VDR: variants seen among roughly 807,000 people sequenced by gnomAD.
VDR encodes vitamin D receptor, also known as vitamin D3 receptor.
In VDR, 19 loss-of-function variants were observed where a neutral mutation model predicts 39.7. That is an observed-to-expected ratio of 0.48 (90% CI 0.33 to 0.70). The LOEUF is 0.70. Ranked by LOEUF, VDR falls within the 30% of genes least tolerant of loss-of-function variation. VDR has a pLI of 0.02. For missense variants in VDR, 442 were observed against 570.5 expected, an observed-to-expected ratio of 0.77 and a Z score of 2.29; for synonymous variants, 242 against 215.8, an observed-to-expected ratio of 1.12 and a Z score of -1.07.
chr12:47,890,493 G>A (rs954162365), intron 1 of VDR, among the ~76,000 whole-genome samples: 2 of 151,920 alleles, frequency 1.3e-5, no homozygotes, highest in Non-Finnish European at 2.9e-5. Flanking sequence ...TCACCAGGCA[G>A]GTTACATTCA....
chr12:47,880,031 C>T (rs11574046), intron 2 of VDR, among the ~76,000 whole-genome samples: 7,007 of 152,182 alleles, frequency 0.046, 210 homozygotes, highest in Non-Finnish European at 0.072. Flanking sequence ...CGTCTGATCC[C>T]GTCTACTGTC....
At chr12:47,892,539 T>C (rs1946390274) in intron 1 of VDR, among the ~76,000 whole-genome samples, 1 of 152,232 alleles carries the variant, frequency 6.6e-6, no homozygotes, top group African/African-American at 2.4e-5. Flanking sequence ...CGGCATTTCT[T>C]CTTGGCCTCA....
rs910867319 is a variant in VDR, at chr12:47,843,216, G to A, written c.*1530C>T. ...GACATGGGGCCAGGTGGACACCAAG[G>A]CTCTTGCAGTGTGAAGTCTGATTCC... On this transcript the variant is annotated 3_prime_UTR_variant, in exon 10 of 10. Coordinates refer to ENST00000549336, the MANE Select transcript of VDR (RefSeq NM_000376.3). 2 of 152,310 alleles carry A rather than the reference G, an allele frequency of 1.3e-5. No homozygotes were observed. Among genetic ancestry groups the A allele is most frequent in the African/African-American group, 2.4e-5 (1 of 41,426 alleles). The allele number at this position is 152,310 out of a possible 1,614,324, so 9.4% of individuals were successfully genotyped here. A position where few individuals can be genotyped will look rare whatever the true frequency, so the allele number is the denominator to read the frequency against.
In VDR at chr12:47,878,847, C is replaced by T. The variant is rs764671048; in HGVS notation, c.146+121G>A. 4.0e-6 allele frequency: 6 copies of T among 1,517,098 alleles called. No homozygotes were observed. In the Admixed American group the frequency reaches 5.4e-5, roughly 14 times the overall value. 94.0% of individuals were successfully genotyped at this position (1,517,098 alleles called of 1,614,324 possible). On this transcript the variant is annotated intron_variant, in intron 3 of 9. Transcript: ENST00000549336. ...CCTCCTGCTCCTGTGGCTGTGAGCG[C>T]CGCATGTTCCATGGACATTGTAAGG...
chr12:47,841,877 TATAATG>T lies in VDR; in HGVS notation c.*2863_*2868del, dbSNP rs1308052986. The T allele has an allele frequency of 1.3e-5, 2 of 152,362 alleles. No homozygotes were observed. The highest frequency in any genetic ancestry group is 1.3e-4 in the Admixed American group (2 of 15,278). The allele number at this position is 152,362 out of a possible 1,614,324, so 9.4% of individuals were successfully genotyped here. The stretch of plus-strand genomic sequence containing the variant: ...ATTTTGGGGCACCTTCTCCTTCAGT[TATAATG>T]ATATACCTTAAAAGTTTTACATTTA... On this transcript the variant is annotated 3_prime_UTR_variant, in exon 10 of 10. Transcript: ENST00000549336.
chr12:47,864,375 G>A (rs181518167), intron 4 of VDR, among the ~76,000 whole-genome samples: 3 of 152,370 alleles, frequency 2.0e-5, no homozygotes, highest in Admixed American at 1.3e-4. Flanking sequence ...CAACCCCAGA[G>A]AGGGACAGGA....
intron 8 of VDR, 82 bp downstream of exon 8, chr12:47,846,575 G>A (rs1945284765): frequency 6.3e-7 from 1 of 1,592,800 alleles, no homozygotes; most frequent in South Asian, 1.1e-5. Context: ...CCATGTATCT[G>A]ATTGGAGCCA....
chr12:47,857,823 C>T (rs571587967), intron 4 of VDR, 135 bp from the exon 5 acceptor site: 23 of 891,594 alleles, frequency 2.6e-5, no homozygotes, highest in East Asian at 1.3e-4. Flanking sequence ...CCTCCTGCCA[C>T]GGAGACTCCC....
chr12:47,875,351 C>G (rs879594970), intron 3 of VDR, among the ~76,000 whole-genome samples: 2 of 152,194 alleles, frequency 1.3e-5, no homozygotes, highest in Admixed American at 1.3e-4. Context: ...CTGTCAATAA[C>G]TATCAGGAAA....
At chr12:47,891,520 G>T (rs1946368229) in intron 1 of VDR, among the ~76,000 whole-genome samples, 1 of 148,344 alleles carries the variant, frequency 6.7e-6, no homozygotes, top group Non-Finnish European at 1.5e-5. Flanking sequence ...CCACAATTTT[G>T]CTGAGCTGGG....
At chr12:47,855,888 C>T in intron 6 of VDR, 87 bp from the exon 7 acceptor site, 1 of 1,544,640 alleles carries the variant, frequency 6.5e-7, no homozygotes, top group Non-Finnish European at 8.9e-7. Context: ...ACCTGGTGTG[C>T]CCTGGCAGCA....
chr12:47,870,391 A>T (rs953860044), intron 3 of VDR, among the ~76,000 whole-genome samples: 2 of 151,938 alleles, frequency 1.3e-5, no homozygotes, highest in African/African-American at 4.8e-5. Flanking sequence ...TCAGGTTTCC[A>T]TGAGAGCCCA....
Position 47,855,741 on chromosome 12 carries a change from G to A in VDR, c.644C>T (p.Pro215Leu). Reference protein sequence around the residue: ...LDLSEEDSDDPSVTLELSQLS... With the variant: ...LDLSEEDSDDLSVTLELSQLS... ...CTGGGACAGCTCTAGGGTCACAGAA[G>A]GGTCATCTGAATCTTCTTCACTCAG... The change falls in exon 7 of 10, where the codon CCT becomes CTT. Residue 215 changes from proline to leucine, a missense_variant. By Grantham distance (98) the Pro-to-Leu change is moderately conservative. Transcript: ENST00000549336. 6.2e-7 allele frequency: 1 copy of A among 1,614,214 alleles called. No individual in the cohort carries two copies. The highest frequency in any genetic ancestry group is 8.5e-7 in the Non-Finnish European group (1 of 1,180,024).
At chr12:47,874,309 A>C (rs962272078) in intron 3 of VDR, among the ~76,000 whole-genome samples, 1 of 152,200 alleles carries the variant, frequency 6.6e-6, no homozygotes, top group African/African-American at 2.4e-5. Context: ...GTGCCCATAG[A>C]ATACCCTGTG....
chr12:47,882,323 T>G (rs1357075220), intron 2 of VDR, among the ~76,000 whole-genome samples: 1 of 152,108 alleles, frequency 6.6e-6, no homozygotes, highest in Non-Finnish European at 1.5e-5. Context: ...AGTCCACATG[T>G]GGAGATGTCC....
rs371839055 is a variant in VDR at position 47,855,613 on chromosome 12, T to C, written c.755+17A>G. 34 of 1,613,900 alleles carry C rather than the reference T, an allele frequency of 2.1e-5. No individual in the cohort carries two copies. In the Middle Eastern group the frequency reaches 4.9e-4, roughly 23 times the overall value. On this transcript the variant is annotated intron_variant, in intron 7 of 9. Transcript: ENST00000549336. ...GGACTCTGACTCTGTTCCCCAGAGA[T>C]TGCAGAAGTTTCTTACCTGAATCCT...
intron 4 of VDR, among the ~76,000 whole-genome samples, chr12:47,859,853 CCTTCCTTCCTT>C (rs1565614983): frequency 3.7e-5 from 2 of 54,478 alleles, no homozygotes; most frequent in African/African-American, 1.8e-4. Flanking sequence ...TTCCTTCCTT[CCTTCCTTCCTT>C]CTTTCCTTCC....
At chr12:47,859,918 T>TTCCTTCCTTCCTTCC (rs1565615386) in intron 4 of VDR, among the ~76,000 whole-genome samples, 2 of 39,888 alleles carry the variant, frequency 5.0e-5, no homozygotes, top group Non-Finnish European at 9.9e-5. Context: ...TCCTTCCTTC[T>TTCCTTCCTTCCTTCC]TTCTTTTTCT....
intron 4 of VDR, 83 bp downstream of exon 4, chr12:47,864,964 T>C: frequency 1.3e-6 from 2 of 1,598,310 alleles, no homozygotes; most frequent in Non-Finnish European, 8.5e-7. Flanking sequence ...GCAGACCCTC[T>C]GCCCAAACTT....
Sources: gnomAD v4.1 joint callset for allele counts (sites outside exome capture counted in the v4.1 genomes callset) on GRCh38, gnomAD v4.1.1 for gene constraint, MANE v1.5 for transcripts, NCBI Gene and HGNC (gene_info 2026-07-23, HGNC 2026-07-21) for gene names.